TAB2: variants seen among roughly 807,000 people sequenced by gnomAD.
TAB2 encodes the protein TGF-beta-activated kinase 1 and MAP3K7-binding protein 2.
A neutral mutation model predicts 65.0 loss-of-function variants in TAB2; 3 were observed. That is an observed-to-expected ratio of 0.05 (90% confidence interval 0.02 to 0.12). The LOEUF (loss-of-function observed/expected upper bound fraction) is 0.12. TAB2 is among the 10% of genes least tolerant of loss of function. The pLI, the probability that TAB2 is intolerant of heterozygous loss-of-function variation, is 1.00. For missense variants in TAB2, 623 were observed against 840.3 expected, an observed-to-expected ratio of 0.74 and a Z score of 3.20; for synonymous variants, 298 against 285.1, an observed-to-expected ratio of 1.05 and a Z score of -0.46.
At chr6:149,353,208 T>C (rs1305481341) in intron 1 of TAB2, among the ~76,000 whole-genome samples, 1 of 152,106 alleles carries the variant, frequency 6.6e-6, no homozygotes, top group Non-Finnish European at 1.5e-5. Context: ...AACTTTGGAC[T>C]CTGCATTTCA....
intron 1 of TAB2, among the ~76,000 whole-genome samples, chr6:149,224,000 C>A (rs1317242803): frequency 6.6e-6 from 1 of 152,104 alleles, no homozygotes; most frequent in Non-Finnish European, 1.5e-5. Context: ...CTCTTTGCAG[C>A]CAGATATGTA....
upstream of TAB2, among the ~76,000 whole-genome samples, chr6:149,316,988 C>T (rs1408529701): frequency 2.6e-5 from 4 of 151,334 alleles, no homozygotes; most frequent in East Asian, 1.9e-4. Context: ...GACCCGGCGC[C>T]AGCCTCCGCC....
intron 3 of TAB2, among the ~76,000 whole-genome samples, chr6:149,396,260 C>T (rs1285226991): frequency 1.3e-5 from 2 of 152,186 alleles, no homozygotes; most frequent in African/African-American, 4.8e-5. Context: ...TCAGATGATC[C>T]ACCCTTCTCG....
chr6:149,241,684 A>T (rs1777600638), intron 1 of TAB2, among the ~76,000 whole-genome samples: 1 of 152,220 alleles, frequency 6.6e-6, no homozygotes. Context: ...AAATATAACC[A>T]GAAATTAATT....
intron 1 of TAB2, among the ~76,000 whole-genome samples, chr6:149,357,980 C>T (rs921181716): frequency 2.0e-5 from 3 of 152,304 alleles, no homozygotes; most frequent in Non-Finnish European, 2.9e-5. Context: ...GGATTACAGG[C>T]GTGAGCCATC....
intron 1 of TAB2, among the ~76,000 whole-genome samples, chr6:149,300,224 T>G (rs1480462330): frequency 6.6e-6 from 1 of 152,236 alleles, no homozygotes; most frequent in East Asian, 1.9e-4. Context: ...CTATACATTG[T>G]TAACAGTTAT....
rs139009964 is a variant in TAB2, at chr6:149,392,759, C to A, written c.1604-4845C>A. On this transcript the variant is annotated intron_variant, in intron 3 of 6. Coordinates refer to ENST00000637181, the MANE Select transcript of TAB2 (RefSeq NM_001292034.3). ...GATTGTACCTTTTTCATTCATACCT[C>A]ATTTTTATGGGGTTTCAGGAGACAG... Among the ~76,000 whole-genome samples, 931 of 152,240 alleles carry A rather than the reference C, an allele frequency of 6.1e-3. 11 individuals are homozygous for A. Among genetic ancestry groups the A allele is most frequent in the African/African-American group, 0.02 (848 of 41,548 alleles).
intron 1 of TAB2, among the ~76,000 whole-genome samples, chr6:149,270,432 T>A (rs1344849412): frequency 6.6e-6 from 1 of 152,192 alleles, no homozygotes; most frequent in Non-Finnish European, 1.5e-5. Context: ...GTTCAAGAGA[T>A]CTATTGTATA....
intron 3 of TAB2, among the ~76,000 whole-genome samples, chr6:149,396,667 G>T (rs946612266): frequency 6.6e-6 from 1 of 152,182 alleles, no homozygotes; most frequent in African/African-American, 2.4e-5. Context: ...ACCAGTATTT[G>T]TAGTTTATTA....
intron 1 of TAB2, among the ~76,000 whole-genome samples, chr6:149,368,677 G>GTGTGTT (rs1781121348): frequency 6.7e-6 from 1 of 148,312 alleles, no homozygotes; most frequent in Non-Finnish European, 1.5e-5. Flanking sequence ...GTGTGTGTGT[G>GTGTGTT]TGTTTACACA....
At chr6:149,319,996 C>G (rs546294675) in intron 1 of TAB2, among the ~76,000 whole-genome samples, 143 of 152,276 alleles carry the variant, frequency 9.4e-4, no homozygotes, top group Non-Finnish European at 1.2e-3. Context: ...TATGCTTGGT[C>G]CTCTAGTGGA....
chr6:149,225,028 C>T lies in TAB2; in HGVS notation c.-121+6252C>T, dbSNP rs1403990851. On this transcript the variant is annotated intron_variant, in intron 1 of 1. Coordinates refer to the TAB2 transcript ENST00000606202. ...GCTTAAAATTTCTTATAATACTTTTCTATTAATACTGTTTTGTGAAGCTGG... is the reference window on the plus strand; with the variant it reads ...GCTTAAAATTTCTTATAATACTTTTTTATTAATACTGTTTTGTGAAGCTGG... 2.0e-5 allele frequency among the ~76,000 whole-genome samples: 3 copies of T among 152,274 alleles called. No homozygotes were observed. In the East Asian group the frequency reaches 5.8e-4, roughly 29 times the overall value.
intron 1 of TAB2, among the ~76,000 whole-genome samples, chr6:149,322,726 A>G (rs1779495526): frequency 6.6e-6 from 1 of 152,206 alleles, no homozygotes; most frequent in African/African-American, 2.4e-5. Flanking sequence ...ATAACAGTGT[A>G]TAAAATTCCA....
At chr6:149,220,514 C>T (rs970039217) in intron 1 of TAB2, among the ~76,000 whole-genome samples, 28 of 152,092 alleles carry the variant, frequency 1.8e-4, no homozygotes, top group Middle Eastern at 3.2e-3. Context: ...ATATAATATC[C>T]CCAAAGATTA....
intron 1 of TAB2, among the ~76,000 whole-genome samples, chr6:149,283,207 T>G (rs1778606791): frequency 2.0e-5 from 3 of 152,050 alleles, no homozygotes; most frequent in Admixed American, 2.0e-4. Context: ...GCTGAGTGAG[T>G]GTAGAAAGTA....
intron 3 of TAB2, among the ~76,000 whole-genome samples, chr6:149,389,164 C>T (rs1781899975): frequency 6.6e-6 from 1 of 151,786 alleles, no homozygotes; most frequent in African/African-American, 2.4e-5. Context: ...TCACGTTGGC[C>T]AGGATGGTCT....
At chr6:149,326,239 T>C (rs1026541530) in intron 1 of TAB2, among the ~76,000 whole-genome samples, 43 of 150,274 alleles carry the variant, frequency 2.9e-4, no homozygotes, top group African/African-American at 9.6e-4. Context: ...GACAAAAATT[T>C]TTAGCCTGGG....
intron 1 of TAB2, among the ~76,000 whole-genome samples, chr6:149,225,512 T>G (rs1777249804): frequency 6.6e-6 from 1 of 152,072 alleles, no homozygotes; most frequent in Non-Finnish European, 1.5e-5. Flanking sequence ...GAAAAAGAAA[T>G]AAAGCCAACA....
In TAB2 at chr6:149,378,273, G is replaced by A. The variant is rs1781474101; in HGVS notation, c.358G>A (p.Glu120Lys). Residue 120 changes from glutamate (E) to lysine (K), a missense_variant, in exon 3 of 7, where the codon GAA becomes AAA. Around this residue, in one of 3 missense-constraint regions of TAB2, gnomAD observed 550 missense variants for 665.7 expected, o/e 0.83. Transcript: ENST00000637181. Reference sequence around the variant, plus strand: ...ACTTCAAGGTGGCCAGTCCAATAGTGAACTATTTCAGCAGGAGCCACAGAC... The same window carrying A: ...ACTTCAAGGTGGCCAGTCCAATAGTAAACTATTTCAGCAGGAGCCACAGAC... ...GQLQGGQSNS[E>K]LFQQEPQTAP... The A allele has an allele frequency of 6.2e-7, 1 of 1,614,048 alleles. No homozygotes were observed. Among genetic ancestry groups the A allele is most frequent in the African/African-American group, 1.3e-5 (1 of 74,914 alleles).
Sources: gnomAD v4.1 joint callset for allele counts (sites outside exome capture counted in the v4.1 genomes callset) on GRCh38, gnomAD v4.1.1 for gene constraint, gnomAD v4.1.1 regional missense constraint, MANE v1.5 for transcripts, NCBI Gene and HGNC (gene_info 2026-07-23, HGNC 2026-07-21) for gene names.